Variants in FSTL4 observed in about 807,000 individuals in gnomAD.
FSTL4 encodes the protein follistatin-related protein 4.
FSTL4 carries 28 observed loss-of-function variants against 78.2 expected under a neutral mutation model. That is an observed-to-expected ratio of 0.36 (90% CI 0.27 to 0.49). The LOEUF (loss-of-function observed/expected upper bound fraction) is 0.49, where lower values mean the gene tolerates loss of function less well. FSTL4 is among the 20% of genes least tolerant of loss of function. The probability of loss-of-function intolerance (pLI) is 0.98; values close to 1 mark genes in which losing one functional copy is unlikely to be tolerated. For synonymous variants in FSTL4, 422 were observed against 440.5 expected, an observed-to-expected ratio of 0.96 and a Z score of 0.53; for missense variants, 922 against 1,084.9, an observed-to-expected ratio of 0.85 and a Z score of 2.11.
chr5:133,426,333 G>A lies in FSTL4; in HGVS notation c.161-25347C>T, dbSNP rs1756815150. Among the ~76,000 whole-genome samples, 2 of 152,104 alleles carry A rather than the reference G, an allele frequency of 1.3e-5. No individual in the cohort carries two copies. Among genetic ancestry groups the A allele is most frequent in the Non-Finnish European group, 2.9e-5 (2 of 68,016 alleles). On this transcript the variant is annotated intron_variant, in intron 3 of 15. Transcript: ENST00000265342. The surrounding 1 kb of genome is among the most constrained non-coding windows in gnomAD (Gnocchi z 5.0). ...GAGACCTGCCTCCGTGGCTCTCCTG[G>A]GCTGTGCTGACCCGCAGGACCAGTG... is the stretch of plus-strand genomic sequence containing the variant.
intron 6 of FSTL4, among the ~76,000 whole-genome samples, chr5:133,312,060 G>A (rs894555704): frequency 1.3e-5 from 2 of 152,188 alleles, no homozygotes; most frequent in Non-Finnish European, 2.9e-5. Flanking sequence ...TACAGGTCCT[G>A]AAGGCATCCC....
At chr5:133,705,810 G>A in the FSTL4 span, among the ~76,000 whole-genome samples, 19 of 151,506 alleles carry the variant, frequency 1.3e-4, no homozygotes, top group Non-Finnish European at 7.4e-5. Context: ...TCCAAATCAA[G>A]TTGCTTCTTT....
At chr5:133,521,619 A>C (rs1758983723) in intron 3 of FSTL4, among the ~76,000 whole-genome samples, 1 of 152,136 alleles carries the variant, frequency 6.6e-6, no homozygotes, top group African/African-American at 2.4e-5. Flanking sequence ...ATACATTTTA[A>C]CAGAAGAAAT....
chr5:133,270,982 C>G (rs1752754314), intron 6 of FSTL4, among the ~76,000 whole-genome samples: 1 of 152,214 alleles, frequency 6.6e-6, no homozygotes, highest in African/African-American at 2.4e-5. Flanking sequence ...ACTTGGCTCT[C>G]TGAGGTTCCA....
chr5:133,755,880 G>A, the FSTL4 span, among the ~76,000 whole-genome samples: 1 of 152,174 alleles, frequency 6.6e-6, no homozygotes, highest in South Asian at 2.1e-4. Context: ...GAAAATCTCT[G>A]GCAAATTTCA....
chr5:133,331,860 GT>G (rs1158910181), intron 4 of FSTL4, among the ~76,000 whole-genome samples: 1 of 152,046 alleles, frequency 6.6e-6, no homozygotes, highest in Non-Finnish European at 1.5e-5. Flanking sequence ...CTCCTTCCCC[GT>G]CACCTGCACT....
chr5:133,755,811 T>C, the FSTL4 span, among the ~76,000 whole-genome samples: 1 of 152,256 alleles, frequency 6.6e-6, no homozygotes, highest in Admixed American at 6.5e-5. Flanking sequence ...AACCCTGTTC[T>C]TTCTCACAAC....
chr5:133,701,011 T>C, the FSTL4 span, among the ~76,000 whole-genome samples: 1 of 152,210 alleles, frequency 6.6e-6, no homozygotes, highest in Admixed American at 6.5e-5. Flanking sequence ...GTCCATTTTG[T>C]GTAGATAAGA....
At chr5:133,652,284 T>C in the FSTL4 span, among the ~76,000 whole-genome samples, 33,061 of 151,982 alleles carry the variant, frequency 0.22, 3,830 homozygotes, top group Admixed American at 0.29. Flanking sequence ...TCTTTTCTTC[T>C]GATTACTTTG....
At chr5:133,389,191 T>G (rs1212389162) in intron 4 of FSTL4, among the ~76,000 whole-genome samples, 4 of 152,232 alleles carry the variant, frequency 2.6e-5, no homozygotes, top group Admixed American at 2.0e-4. Flanking sequence ...TGCTGCATCT[T>G]AAGTGTGTGC....
chr5:133,343,618 T>C (rs1754635632), intron 4 of FSTL4, among the ~76,000 whole-genome samples: 1 of 152,180 alleles, frequency 6.6e-6, no homozygotes, highest in African/African-American at 2.4e-5. Flanking sequence ...GAAAAAAAGT[T>C]TTTTATAGCC....
chr5:133,506,827 G>A (rs2112883261), intron 3 of FSTL4, among the ~76,000 whole-genome samples: 1 of 152,338 alleles, frequency 6.6e-6, no homozygotes, highest in African/African-American at 2.4e-5. Flanking sequence ...ATAAATATTT[G>A]TTGGAGGAAT....
At chr5:133,621,934 A>G in the FSTL4 span, among the ~76,000 whole-genome samples, 2 of 152,204 alleles carry the variant, frequency 1.3e-5, no homozygotes, top group Non-Finnish European at 2.9e-5. Flanking sequence ...TTGAAAAACC[A>G]TAGTACAATA....
intron 4 of FSTL4, among the ~76,000 whole-genome samples, chr5:133,390,004 G>C (rs1045556032): frequency 6.6e-6 from 1 of 152,208 alleles, no homozygotes; most frequent in African/African-American, 2.4e-5. Flanking sequence ...GGCATTTGCT[G>C]GACCACTGTA....
chr5:133,400,683 C>T (rs1756199732), intron 4 of FSTL4, 55 bp downstream of exon 4: 8 of 1,531,478 alleles, frequency 5.2e-6, no homozygotes, highest in South Asian at 4.6e-5. Flanking sequence ...GTCAAAAAGG[C>T]ATTGGAAGAC....
chr5:133,578,678 G>A (rs1760336422), intron 2 of FSTL4, among the ~76,000 whole-genome samples: 1 of 152,230 alleles, frequency 6.6e-6, no homozygotes, highest in East Asian at 1.9e-4. Flanking sequence ...AAAGCTTTAT[G>A]CTAAAGGTTA....
intron 3 of FSTL4, among the ~76,000 whole-genome samples, chr5:133,459,851 A>G (rs1389625715): frequency 6.6e-6 from 1 of 151,498 alleles, no homozygotes; most frequent in East Asian, 1.9e-4. Context: ...GTGTCTCACC[A>G]CCCTCCCCTT....
chr5:133,320,734 G>A (rs1009252530), intron 4 of FSTL4, among the ~76,000 whole-genome samples: 5 of 152,138 alleles, frequency 3.3e-5, no homozygotes, highest in African/African-American at 4.8e-5. Flanking sequence ...TTGGCTGGGC[G>A]TGGTGGCTCA....
chr5:133,602,443 T>A (rs1393278583), intron 2 of FSTL4, among the ~76,000 whole-genome samples: 1 of 152,240 alleles, frequency 6.6e-6, no homozygotes, highest in African/African-American at 2.4e-5. Flanking sequence ...TTGATACTTT[T>A]ATTTGAAATA....
Sources: allele counts gnomAD v4.1 joint callset (sites outside exome capture counted in the v4.1 genomes callset), GRCh38; gene constraint gnomAD v4.1.1; non-coding constraint Gnocchi (gnomAD v3.1); transcripts MANE v1.5; gene names NCBI Gene and HGNC (gene_info 2026-07-23, HGNC 2026-07-21).